The following PFN4 variants were observed in gnomAD, a reference collection of about 807,000 sequenced individuals.
PFN4 encodes profilin family member 4, also known as profilin-4.
PFN4 carries 10 observed loss-of-function variants against 16.3 expected under a neutral mutation model. That is an observed-to-expected ratio of 0.61 (90% CI 0.38 to 1.04). PFN4 has a LOEUF of 1.04. Among genes scored for constraint, PFN4 ranks in the 50% least tolerant of loss-of-function variants. The pLI is 0.01. For missense variants in PFN4, 136 were observed against 153.6 expected, an observed-to-expected ratio of 0.89 and a Z score of 0.61; for synonymous variants, 54 against 56.9, an observed-to-expected ratio of 0.95 and a Z score of 0.23.
rs772137902 is a variant in PFN4, at chr2:24,121,281, C to G, written c.137G>C (p.Arg46Pro). The G allele has an allele frequency of 1.2e-6, 2 of 1,614,138 alleles. No homozygotes were observed. The highest frequency in any genetic ancestry group is 1.1e-5 in the South Asian group (1 of 91,072). ...PGFNVTPSDVRTLVNGFAKNP... is the reference protein window; with the variant it reads ...PGFNVTPSDVPTLVNGFAKNP... ...CTTGGCAAATCCATTCACCAGTGTTCGGACATCACTGGGCGTTACCTGGAG... is the reference window on the plus strand; with the variant it reads ...CTTGGCAAATCCATTCACCAGTGTTGGGACATCACTGGGCGTTACCTGGAG... The change falls in exon 3 of 5, where the codon CGA (arginine) becomes CCA (proline). Residue 46 changes from arginine (R) to proline (P), a missense_variant. Transcript: ENST00000313213.
Position 24,121,160 on chromosome 2 carries a change from C to G in PFN4, c.255+3G>C. The G allele has an allele frequency of 6.2e-7, 1 of 1,613,926 alleles. No homozygotes were observed. Among genetic ancestry groups the G allele is most frequent in the Non-Finnish European group, 8.5e-7 (1 of 1,179,912 alleles). On this transcript the variant is annotated splice_donor_region_variant and intron_variant, in intron 3 of 4. Transcript: ENST00000313213. Reference sequence around the variant, plus strand: ...CAGCTCTCTTCAAATCTTGAGCACTCACATTTTTGGCATAAAGAGAATATT... The same window carrying G: ...CAGCTCTCTTCAAATCTTGAGCACTGACATTTTTGGCATAAAGAGAATATT...
chr2:24,119,673 C>G lies in PFN4; in HGVS notation c.265G>C (p.Gly89Arg). 1 of 1,609,428 alleles carries G rather than the reference C, an allele frequency of 6.2e-7. No homozygotes were observed. Among genetic ancestry groups the G allele is most frequent in the Non-Finnish European group, 8.5e-7 (1 of 1,176,272 alleles). The change falls in exon 4 of 5, where the codon GGT becomes CGT. Residue 89 changes from glycine to arginine, a missense_variant. Coordinates refer to ENST00000313213, the MANE Select transcript of PFN4 (RefSeq NM_199346.3). ...YSLYAKNENTGVVVVKTHLYL... is the reference protein window; with the variant it reads ...YSLYAKNENTRVVVVKTHLYL... ...AGATGGGTCTTCACGACAACCACACCAGTGTTCTCCTGTATAAAGAATATA... is the reference window on the plus strand; with the variant it reads ...AGATGGGTCTTCACGACAACCACACGAGTGTTCTCCTGTATAAAGAATATA...
intron 4 of PFN4, 29 bp from the exon 5 acceptor site, chr2:24,115,640 T>A (rs745507278): frequency 1.1e-5 from 17 of 1,607,486 alleles, no homozygotes; most frequent in Non-Finnish European, 1.4e-5. Flanking sequence ...TGGTTATTAT[T>A]TATGAGCTGC....
At chr2:24,117,256 T>C (rs1665950886) in intron 4 of PFN4, among the ~76,000 whole-genome samples, 1 of 152,118 alleles carries the variant, frequency 6.6e-6, no homozygotes, top group Non-Finnish European at 1.5e-5. Context: ...CGTCAAATGA[T>C]CTACCCACCT....
chr2:24,118,556 T>C (rs947150308), intron 4 of PFN4, among the ~76,000 whole-genome samples: 19 of 152,252 alleles, frequency 1.2e-4, no homozygotes, highest in Middle Eastern at 6.8e-3. Context: ...ACAATCTAGA[T>C]AAACAAAGAA....
In PFN4 at chr2:24,123,110, A is replaced by G. The variant is rs1666174954; in HGVS notation, c.-13+8T>C. 6.6e-6 allele frequency: 1 copy of G among 152,220 alleles called. No homozygotes were observed. The highest frequency in any genetic ancestry group is 2.1e-4 in the South Asian group (1 of 4,818). 9.4% of individuals were successfully genotyped at this position (152,220 alleles called of 1,614,324 possible). On this transcript the variant is annotated splice_region_variant and intron_variant, in intron 1 of 4. Coordinates refer to ENST00000313213, the MANE Select transcript of PFN4 (RefSeq NM_199346.3). ...AGTCCCCAAGCCTTGGACCCCCCTC[A>G]TCAGGACCTCCGGCACAGGCGCCCG... is the stretch of plus-strand genomic sequence containing the variant.
chr2:24,119,117 C>T (rs1159025136), intron 4 of PFN4, among the ~76,000 whole-genome samples: 1 of 152,062 alleles, frequency 6.6e-6, no homozygotes, highest in African/African-American at 2.4e-5. Context: ...TGTAAAATGT[C>T]TCTTTATATA....
chr2:24,122,654 G>A (rs1421718440), intron 1 of PFN4, 107 bp from the exon 2 acceptor site: 1 of 711,172 alleles, frequency 1.4e-6, no homozygotes, highest in African/African-American at 1.8e-5. Flanking sequence ...ATCAGCAAGT[G>A]TACTTTGAAA....
chr2:24,115,478 T>C lies in PFN4; in HGVS notation c.*105A>G. On this transcript the variant is annotated 3_prime_UTR_variant, in exon 5 of 5. Coordinates refer to ENST00000313213, the MANE Select transcript of PFN4 (RefSeq NM_199346.3). ...GCTCCCTTAATTCATTCTTCTTTTTTAGTGCCTTCTGTCTAGTGTTTTTTC... is the reference window on the plus strand; with the variant it reads ...GCTCCCTTAATTCATTCTTCTTTTTCAGTGCCTTCTGTCTAGTGTTTTTTC... 3.2e-6 allele frequency: 3 copies of C among 952,068 alleles called. No homozygotes were observed. The highest frequency in any genetic ancestry group is 2.5e-5 in the East Asian group (1 of 39,528). 59.0% of individuals were successfully genotyped at this position (952,068 alleles called of 1,614,324 possible).
At chr2:24,119,199 C>A (rs769811203) in intron 4 of PFN4, among the ~76,000 whole-genome samples, 23 of 152,068 alleles carry the variant, frequency 1.5e-4, no homozygotes, top group Admixed American at 3.3e-4. Flanking sequence ...CCTGCCCCAC[C>A]TACATAGCTG....
At chr2:24,118,759 A>C (rs748076916) in intron 4 of PFN4, among the ~76,000 whole-genome samples, 1 of 152,208 alleles carries the variant, frequency 6.6e-6, no homozygotes, top group Non-Finnish European at 1.5e-5. Flanking sequence ...GCTATATCTT[A>C]ACCAGCTCTG....
At chr2:24,122,294 C>G in intron 2 of PFN4, 125 bp downstream of exon 2, 1 of 721,256 alleles carries the variant, frequency 1.4e-6, no homozygotes, top group Admixed American at 2.5e-5. Flanking sequence ...CCATTGCATC[C>G]CAGGCTAAGC....
chr2:24,115,364 C>T lies in PFN4; in HGVS notation c.*219G>A, dbSNP rs137964393. 380 of 550,972 alleles carry T rather than the reference C, an allele frequency of 6.9e-4. 1 individual carries two copies. The highest frequency in any genetic ancestry group is 6.4e-3 in the African/African-American group (341 of 52,956). 34.1% of individuals were successfully genotyped at this position (550,972 alleles called of 1,614,324 possible). On this transcript the variant is annotated 3_prime_UTR_variant, in exon 5 of 5. Transcript: ENST00000313213. ...CTCTGTGAAATGATCAGTGCTCTCTCATTCCATGCCGATGACCAACACTTA... is the reference window on the plus strand; with the variant it reads ...CTCTGTGAAATGATCAGTGCTCTCTTATTCCATGCCGATGACCAACACTTA...
rs1257572129 is a variant in PFN4 at position 24,115,505 on chromosome 2, A to G, written c.*78T>C. On this transcript the variant is annotated 3_prime_UTR_variant, in exon 5 of 5. Coordinates refer to ENST00000313213, the MANE Select transcript of PFN4 (RefSeq NM_199346.3). Reference sequence around the variant, plus strand: ...GTGCCTTCTGTCTAGTGTTTTTTCAACCATAAAATATTTTTTCTTTAGGCT... The same window carrying G: ...GTGCCTTCTGTCTAGTGTTTTTTCAGCCATAAAATATTTTTTCTTTAGGCT... 3.0e-6 allele frequency: 4 copies of G among 1,325,674 alleles called. No homozygotes were observed. The highest frequency in any genetic ancestry group is 3.2e-6 in the Non-Finnish European group (3 of 944,040). The allele number at this position is 1,325,674 out of a possible 1,614,324, so 82.1% of individuals were successfully genotyped here.
chr2:24,115,800 G>A (rs909821003), intron 4 of PFN4, among the ~76,000 whole-genome samples, 189 bp from the exon 5 acceptor site: 4 of 151,278 alleles, frequency 2.6e-5, no homozygotes, highest in African/African-American at 9.7e-5. Flanking sequence ...GGAGTTCACT[G>A]TCTAGTAGGG....
Position 24,117,501 on chromosome 2 carries a change from G to T in PFN4, c.362-1890C>A, listed in dbSNP as rs570182889. Among the ~76,000 whole-genome samples, 22 of 151,082 alleles carry T rather than the reference G, an allele frequency of 1.5e-4. 1 individual carries two copies. The East Asian group carries it at 4.1e-3, about 28-fold the overall frequency. ...TGTGACGCCCAGGCTGGAGTGCAAT[G>T]GCGCTATTTTGGCTCACTGCAACCT... On this transcript the variant is annotated intron_variant, in intron 4 of 4. Transcript: ENST00000313213.
chr2:24,121,405 T>C, intron 2 of PFN4, 105 bp from the exon 3 acceptor site: 1 of 1,106,476 alleles, frequency 9.0e-7, no homozygotes, highest in African/African-American at 1.6e-5. Flanking sequence ...TAAGAATGGT[T>C]TTCATGTTTT....
intron 2 of PFN4, among the ~76,000 whole-genome samples, chr2:24,122,007 A>T (rs1172214942): frequency 3.3e-5 from 5 of 152,188 alleles, no homozygotes; most frequent in Non-Finnish European, 7.3e-5. Flanking sequence ...TAAAATATTT[A>T]TGTAGCTCTT....
At chr2:24,120,821 G>C (rs1666088649) in intron 3 of PFN4, among the ~76,000 whole-genome samples, 1 of 151,850 alleles carries the variant, frequency 6.6e-6, no homozygotes, top group South Asian at 2.1e-4. Flanking sequence ...ACAGGTGTGA[G>C]CCACTGTGCC....
Sources: allele counts gnomAD v4.1 joint callset (sites outside exome capture counted in the v4.1 genomes callset), GRCh38; gene constraint gnomAD v4.1.1; transcripts MANE v1.5; gene names NCBI Gene and HGNC (gene_info 2026-07-23, HGNC 2026-07-21).